The following NOX4 variants were observed in gnomAD, a reference collection of about 807,000 sequenced individuals.
The protein encoded by NOX4 is NADPH oxidase 4.
In NOX4, 69 loss-of-function variants were observed where a neutral mutation model predicts 87.6. That is an observed-to-expected ratio of 0.79 (90% CI 0.65 to 0.96). The LOEUF (loss-of-function observed/expected upper bound fraction) is 0.96. Among genes scored for constraint, NOX4 ranks in the 40% least tolerant of loss-of-function variants. NOX4 has a pLI of 0.00. For missense variants in NOX4, 680 were observed against 681.5 expected (o/e 1.00, Z 0.02); for synonymous variants, 275 against 238.2 (o/e 1.15, Z -1.42).
At chr11:89,377,257 A>T (rs1165040832) in intron 11 of NOX4, among the ~76,000 whole-genome samples, 1 of 152,316 alleles carries the variant, frequency 6.6e-6, no homozygotes, top group Non-Finnish European at 1.5e-5. Context: ...TGCTATGATA[A>T]TAATTTTAAG....
At chr11:89,524,684 AG>A in the NOX4 span, among the ~76,000 whole-genome samples, 71 of 152,242 alleles carry the variant, frequency 4.7e-4, no homozygotes, top group African/African-American at 1.6e-3. Flanking sequence ...TTAAAAAAAA[AG>A]TATTATTTTT....
chr11:89,325,277 C>CCG lies in NOX4; in HGVS notation c.*1478_*1479insCG. The stretch of plus-strand genomic sequence containing the variant: ...TAGTTGGGATTATAGGCACCCGCCA[C>CCG]CACACCCGCCTAATATTTGTATTTT... On this transcript the variant is annotated 3_prime_UTR_variant, in exon 18 of 18. Coordinates refer to ENST00000263317, the MANE Select transcript of NOX4 (RefSeq NM_016931.5). 6.6e-6 allele frequency: 1 copy of CCG among 151,898 alleles called. No individual in the cohort carries two copies. The highest frequency in any genetic ancestry group is 2.4e-5 in the African/African-American group (1 of 41,350). 9.4% of individuals were successfully genotyped at this position (151,898 alleles called of 1,614,324 possible).
At chr11:89,561,015 T>TATACAC in the NOX4 span, among the ~76,000 whole-genome samples, 1 of 80,532 alleles carries the variant, frequency 1.2e-5, no homozygotes, top group Non-Finnish European at 2.3e-5. Context: ...TATATATATA[T>TATACAC]ATATACATAC....
chr11:89,491,605 C>T, upstream of NOX4: 1 of 277,550 alleles, frequency 3.6e-6, no homozygotes, highest in Non-Finnish European at 6.7e-6. Flanking sequence ...TCAGGATGTC[C>T]CGGGTGGGAA....
At chr11:89,425,329 T>A (rs1943319074) in intron 7 of NOX4, among the ~76,000 whole-genome samples, 1 of 150,076 alleles carries the variant, frequency 6.7e-6, no homozygotes, top group Non-Finnish European at 1.5e-5. Flanking sequence ...ATTCTACATC[T>A]AAGAATTTTT....
At chr11:89,519,473 G>T in the NOX4 span, among the ~76,000 whole-genome samples, 44 of 152,100 alleles carry the variant, frequency 2.9e-4, no homozygotes, top group African/African-American at 7.2e-4. Context: ...AAGAAGTAAT[G>T]TATTGATGTA....
intron 13 of NOX4, among the ~76,000 whole-genome samples, chr11:89,352,118 G>T (rs1383521468): frequency 3.3e-5 from 5 of 152,086 alleles, no homozygotes; most frequent in Non-Finnish European, 5.9e-5. Context: ...GTTGCAGGGG[G>T]GCTAGGAAGT....
At chr11:89,528,323 G>C in the NOX4 span, among the ~76,000 whole-genome samples, 1 of 152,092 alleles carries the variant, frequency 6.6e-6, no homozygotes, top group Non-Finnish European at 1.5e-5. Flanking sequence ...TGGACTTTTA[G>C]GTTACTTCTG....
chr11:89,359,667 GT>G (rs1238627794), intron 12 of NOX4, among the ~76,000 whole-genome samples: 1 of 151,968 alleles, frequency 6.6e-6, no homozygotes, highest in Non-Finnish European at 1.5e-5. Context: ...AAGACCTATT[GT>G]TTGCTAGAGA....
intron 8 of NOX4, among the ~76,000 whole-genome samples, chr11:89,403,375 T>C (rs1471186984): frequency 1.3e-5 from 2 of 152,172 alleles, no homozygotes; most frequent in Non-Finnish European, 2.9e-5. Flanking sequence ...TGGAAATGCT[T>C]GAAAATTTTG....
the NOX4 span, among the ~76,000 whole-genome samples, chr11:89,538,820 T>C: frequency 6.6e-6 from 1 of 152,064 alleles, no homozygotes; most frequent in Non-Finnish European, 1.5e-5. Flanking sequence ...GGCCAGATGT[T>C]ATGGACTCAA....
the NOX4 span, among the ~76,000 whole-genome samples, chr11:89,507,261 CAT>C: frequency 6.6e-6 from 1 of 151,648 alleles, no homozygotes; most frequent in Non-Finnish European, 1.5e-5. Context: ...TGGGTGTATC[CAT>C]ATGTCAAAAC....
chr11:89,330,332 G>C (rs982645339), intron 17 of NOX4, among the ~76,000 whole-genome samples: 3 of 151,974 alleles, frequency 2.0e-5, no homozygotes, highest in Non-Finnish European at 2.9e-5. Flanking sequence ...CTGAGCAACA[G>C]AGCAATACTC....
intron 4 of NOX4, among the ~76,000 whole-genome samples, chr11:89,446,484 T>C (rs7103599): frequency 0.01 from 1,564 of 149,396 alleles, 30 homozygotes; most frequent in African/African-American, 0.037. Flanking sequence ...AATAGGTGAA[T>C]AGATAAAAAA....
chr11:89,410,950 T>G (rs1034155750), intron 8 of NOX4, among the ~76,000 whole-genome samples: 13 of 152,154 alleles, frequency 8.5e-5, no homozygotes, highest in Non-Finnish European at 1.8e-4. Context: ...AGCTCACAGT[T>G]CTGGGAGAGA....
At chr11:89,570,858 T>C in the NOX4 span, among the ~76,000 whole-genome samples, 2 of 152,240 alleles carry the variant, frequency 1.3e-5, no homozygotes, top group African/African-American at 2.4e-5. Flanking sequence ...TGGTTTATTG[T>C]GTATGGCTCA....
chr11:89,472,907 C>G (rs1287384961), intron 2 of NOX4, among the ~76,000 whole-genome samples: 1 of 152,130 alleles, frequency 6.6e-6, no homozygotes, highest in African/African-American at 2.4e-5. Context: ...GTGACCTCTA[C>G]CAAGGCCACT....
chr11:89,456,309 T>C (rs1315969374), intron 2 of NOX4, among the ~76,000 whole-genome samples: 1 of 152,170 alleles, frequency 6.6e-6, no homozygotes, highest in East Asian at 1.9e-4. Flanking sequence ...TAAGTACATT[T>C]AGAATACATA....
the NOX4 span, among the ~76,000 whole-genome samples, chr11:89,521,799 A>G: frequency 6.6e-6 from 1 of 152,178 alleles, no homozygotes; most frequent in South Asian, 2.1e-4. Context: ...AAAGTCTAAT[A>G]TCCAGGATCT....
Sources: allele counts gnomAD v4.1 joint callset (sites outside exome capture counted in the v4.1 genomes callset), GRCh38; gene constraint gnomAD v4.1.1; transcripts MANE v1.5; gene names NCBI Gene and HGNC (gene_info 2026-07-23, HGNC 2026-07-21).